Variants in GFRA1 observed in about 807,000 individuals in gnomAD.
The protein encoded by GFRA1 is GDNF family receptor alpha-1.
In GFRA1, 16 loss-of-function variants were observed where a neutral mutation model predicts 51.6. The ratio of observed to expected loss-of-function variants is 0.31; its 90% CI spans 0.21 to 0.47. The LOEUF is 0.47. Ranked by LOEUF, GFRA1 falls within the 20% of genes least tolerant of loss-of-function variation. The pLI, the probability that GFRA1 is intolerant of heterozygous loss-of-function variation, is 1.00. For missense variants in GFRA1, 530 were observed against 594.3 expected (o/e 0.89, Z 1.13); for synonymous variants, 270 against 241.3 (o/e 1.12, Z -1.10).
At chr10:116,068,558 T>C (rs903698716) in intron 9 of GFRA1, among the ~76,000 whole-genome samples, 1 of 152,186 alleles carries the variant, frequency 6.6e-6, no homozygotes, top group African/African-American at 2.4e-5. Flanking sequence ...GCCTGGGATG[T>C]AGACCTGTGA....
At position 116,062,070 on chromosome 10, in the gene GFRA1, T is replaced by C; in HGVS notation, c.*2328A>G. 2.5e-6 allele frequency: 1 copy of C among 398,610 alleles called. No homozygotes were observed. Among genetic ancestry groups the C allele is most frequent in the Non-Finnish European group, 4.4e-6 (1 of 226,036 alleles). The allele number at this position is 398,610 out of a possible 1,614,324, so 24.7% of individuals were successfully genotyped here. ...GAGGCTTTTCAAAATGTAATTTATA[T>C]ATTGCCTACCCATGCATTCTTCAAT... On this transcript the variant is annotated 3_prime_UTR_variant, in exon 11 of 11. Coordinates refer to ENST00000355422, the MANE Select transcript of GFRA1 (RefSeq NM_005264.8).
Position 116,089,921 on chromosome 10 carries a change from T to A in GFRA1, c.1017A>T (p.Lys339Asn). 1 of 1,611,758 alleles carries A rather than the reference T, an allele frequency of 6.2e-7. No individual in the cohort carries two copies. The highest frequency in any genetic ancestry group is 8.5e-7 in the Non-Finnish European group (1 of 1,178,916). ...LNFFKDNTCL[K>N]NAIQAFGNGS... ...CATTGCCAAAGGCTTGAATTGCATT[T>A]TCTGCAGTAAAACAGGAGGAAATCC... The change falls in exon 9 of 11, where the codon AAA (lysine) becomes AAT (asparagine). Residue 339 changes from lysine (K) to asparagine (N), a missense_variant and splice_region_variant. Physicochemically the swap from Lys to Asn is moderately conservative, Grantham distance 94 (BLOSUM62 0). Coordinates refer to ENST00000355422, the MANE Select transcript of GFRA1 (RefSeq NM_005264.8).
intron 7 of GFRA1, among the ~76,000 whole-genome samples, chr10:116,096,378 A>G (rs1461230037): frequency 3.3e-5 from 5 of 151,918 alleles, no homozygotes; most frequent in African/African-American, 7.3e-5. Context: ...CAGTTTCCCA[A>G]CTGAGACGCC....
intron 8 of GFRA1, 38 bp downstream of exon 8, chr10:116,093,664 G>T: frequency 6.3e-7 from 1 of 1,593,868 alleles, no homozygotes; most frequent in Middle Eastern, 1.8e-4. Flanking sequence ...AGAAGAAAAT[G>T]CGTTTGCTCC....
upstream of GFRA1, among the ~76,000 whole-genome samples, chr10:116,274,135 A>G (rs1747758826): frequency 6.6e-6 from 1 of 151,992 alleles, no homozygotes; most frequent in Admixed American, 6.5e-5. Flanking sequence ...AACCCCTGGG[A>G]CCGCTGGTTC....
At chr10:116,181,101 C>T (rs184135432) in intron 5 of GFRA1, among the ~76,000 whole-genome samples, 71 of 152,282 alleles carry the variant, frequency 4.7e-4, no homozygotes, top group Admixed American at 1.7e-3. Flanking sequence ...CTACTGGACT[C>T]CATTTCTGGG....
In GFRA1 at chr10:116,180,643, G is replaced by A. The variant is rs539863193; in HGVS notation, c.433+30988C>T. Among the ~76,000 whole-genome samples the A allele has an allele frequency of 5.9e-5, 9 of 152,094 alleles. No homozygotes were observed. In the South Asian group the frequency reaches 1.2e-3, roughly 21 times the overall value. On this transcript the variant is annotated intron_variant, in intron 5 of 10. Transcript: ENST00000355422. ...CTTCCTAGATTCTATACCCACCCACGGCCAATCATTGGCCTCTCTGCCTGT... is the reference window on the plus strand; with the variant it reads ...CTTCCTAGATTCTATACCCACCCACAGCCAATCATTGGCCTCTCTGCCTGT...
chr10:116,073,494 CAAT>C (rs1200013652), intron 9 of GFRA1, among the ~76,000 whole-genome samples: 10 of 152,200 alleles, frequency 6.6e-5, no homozygotes, highest in Middle Eastern at 3.4e-3. Context: ...GCACAATTAA[CAAT>C]AAGATAATGA....
At chr10:116,149,293 G>A (rs545909772) in intron 5 of GFRA1, among the ~76,000 whole-genome samples, 1 of 152,236 alleles carries the variant, frequency 6.6e-6, no homozygotes, top group South Asian at 2.1e-4. Flanking sequence ...AGAAAATATG[G>A]CCTGCAGAAA....
chr10:116,228,038 T>C (rs972320297), intron 4 of GFRA1, among the ~76,000 whole-genome samples: 4 of 152,216 alleles, frequency 2.6e-5, no homozygotes, highest in East Asian at 1.9e-4. Context: ...CTTCAACTTA[T>C]AGCAGTTGTT....
At chr10:116,202,009 T>A (rs149797378) in intron 5 of GFRA1, among the ~76,000 whole-genome samples, 42 of 152,328 alleles carry the variant, frequency 2.8e-4, no homozygotes, top group African/African-American at 9.4e-4. Flanking sequence ...AGCATGTACA[T>A]ACACTCAGCC....
intron 5 of GFRA1, among the ~76,000 whole-genome samples, chr10:116,149,360 C>T (rs961314663): frequency 1.3e-5 from 2 of 152,026 alleles, no homozygotes; most frequent in Non-Finnish European, 2.9e-5. Flanking sequence ...GGATTTTTAG[C>T]CCCCCACAGC....
intron 4 of GFRA1, among the ~76,000 whole-genome samples, chr10:116,237,873 A>G (rs1353630552): frequency 6.6e-6 from 1 of 152,140 alleles, no homozygotes; most frequent in East Asian, 1.9e-4. Flanking sequence ...GGAAGTGGGG[A>G]AAAGGGTTCC....
At chr10:116,174,660 T>C (rs1961405975) in intron 5 of GFRA1, among the ~76,000 whole-genome samples, 1 of 152,296 alleles carries the variant, frequency 6.6e-6, no homozygotes, top group East Asian at 1.9e-4. Context: ...CCTTAGTCCA[T>C]AAGTGCTAAT....
At chr10:116,101,531 T>C (rs994463428) in intron 6 of GFRA1, among the ~76,000 whole-genome samples, 4 of 152,088 alleles carry the variant, frequency 2.6e-5, no homozygotes, top group Admixed American at 6.5e-5. Flanking sequence ...ACGCTGCTAA[T>C]TGGAAATAGA....
In GFRA1 at chr10:116,151,143, T is replaced by C. The variant is rs373963281; in HGVS notation, c.434-25586A>G. Among the ~76,000 whole-genome samples the C allele has an allele frequency of 7.9e-4, 121 of 152,250 alleles. 3 individuals are homozygous for C. The South Asian group carries it at 0.024, about 30-fold the overall frequency. On this transcript the variant is annotated intron_variant, in intron 5 of 10. Coordinates refer to ENST00000355422, the MANE Select transcript of GFRA1 (RefSeq NM_005264.8). The stretch of plus-strand genomic sequence containing the variant: ...TCCCAGAAACCTGGTACTGCTACTC[T>C]CTGTGGACTGCTTACTGTTGGAACA...
chr10:116,240,266 C>T (rs367740213), intron 4 of GFRA1, among the ~76,000 whole-genome samples: 6 of 152,164 alleles, frequency 3.9e-5, no homozygotes, highest in Admixed American at 6.5e-5. Context: ...AACTACTCCA[C>T]GGCTTGAGTT....
intron 4 of GFRA1, among the ~76,000 whole-genome samples, chr10:116,234,361 G>T (rs917771693): frequency 6.6e-6 from 1 of 152,132 alleles, no homozygotes; most frequent in Admixed American, 6.5e-5. Flanking sequence ...ACTGGTGAGG[G>T]GAAACAGGGC....
intron 5 of GFRA1, among the ~76,000 whole-genome samples, chr10:116,126,217 G>A (rs1467361179): frequency 6.6e-6 from 1 of 152,166 alleles, no homozygotes; most frequent in Non-Finnish European, 1.5e-5. Context: ...ACAACACGTG[G>A]GCTCTATGAG....
Sources: gnomAD v4.1 joint callset for allele counts (sites outside exome capture counted in the v4.1 genomes callset) on GRCh38, gnomAD v4.1.1 for gene constraint, MANE v1.5 for transcripts, NCBI Gene and HGNC (gene_info 2026-07-23, HGNC 2026-07-21) for gene names.